The following USP1 variants were observed in gnomAD, a reference collection of about 807,000 sequenced individuals.
The protein encoded by USP1 is ubiquitin specific peptidase 1.
A neutral mutation model predicts 72.2 loss-of-function variants in USP1; 18 were observed. The observed-to-expected ratio is 0.25, with a 90% CI of 0.17 to 0.37. The LOEUF is 0.37. USP1 is among the 10% of genes least tolerant of loss of function. The pLI, the probability that USP1 is intolerant of heterozygous loss-of-function variation, is 1.00. For synonymous variants in USP1, 354 were observed against 303.7 expected, an observed-to-expected ratio of 1.17 and a Z score of -1.72; for missense variants, 759 against 884.9, an observed-to-expected ratio of 0.86 and a Z score of 1.81.
chr1:62,447,235 T>C (rs1334977673), intron 6 of USP1, 106 bp from the exon 7 acceptor site: 2 of 1,112,006 alleles, frequency 1.8e-6, no homozygotes, highest in Non-Finnish European at 2.5e-6. Flanking sequence ...TCTATGAAAA[T>C]GGAACTGTTA....
rs375258678 is a variant in USP1, at chr1:62,445,355, A to G, written c.1175A>G (p.Asn392Ser). 11 of 1,609,766 alleles carry G rather than the reference A, an allele frequency of 6.8e-6. No homozygotes were observed. Among genetic ancestry groups the G allele is most frequent in the African/African-American group, 2.7e-5 (2 of 74,688 alleles). Residue 392 changes from asparagine to serine, a missense_variant, in exon 6 of 9, where the codon AAT (asparagine) becomes AGT (serine). This residue lies in a region of USP1 where 245 missense variants were observed against 240.7 expected (regional missense o/e 1.02). Coordinates refer to ENST00000339950, the MANE Select transcript of USP1 (RefSeq NM_003368.5). ...AAGTGTGAAAGTGATAACACAACTA[A>G]TGGTTGTGGACTTGAATCTCCAGGA... ...LGKCESDNTT[N>S]GCGLESPGNT...
intron 4 of USP1, 85 bp downstream of exon 4, chr1:62,442,384 G>T (rs374057368): frequency 2.9e-5 from 27 of 944,000 alleles, no homozygotes; most frequent in Admixed American, 5.8e-5. Flanking sequence ...AAGAGGACTG[G>T]GGGGGTGGAT....
rs187588389 is a variant in USP1, at chr1:62,444,468, T to A, written c.558-270T>A. Among the ~76,000 whole-genome samples, 414 of 152,216 alleles carry A rather than the reference T, an allele frequency of 2.7e-3. 1 individual carries two copies. Among genetic ancestry groups the A allele is most frequent in the Non-Finnish European group, 4.6e-3 (311 of 68,010 alleles). On this transcript the variant is annotated intron_variant, in intron 5 of 8. Coordinates refer to ENST00000339950, the MANE Select transcript of USP1 (RefSeq NM_003368.5). Reference sequence around the variant, plus strand: ...TATACATAGGAGATAAAAAACATTTTGACTAAAACCTGGTGTATGGTAAGC... The same window carrying A: ...TATACATAGGAGATAAAAAACATTTAGACTAAAACCTGGTGTATGGTAAGC...
At chr1:62,447,799 T>G (rs1459163232) in intron 7 of USP1, among the ~76,000 whole-genome samples, 1 of 152,118 alleles carries the variant, frequency 6.6e-6, no homozygotes. Flanking sequence ...TTTTTTTAAT[T>G]TTTTTGAGAT....
In USP1 at chr1:62,438,156, G is replaced by T. The variant is rs529367390; in HGVS notation, c.-70+756G>T. Among the ~76,000 whole-genome samples the T allele has an allele frequency of 2.6e-4, 39 of 152,112 alleles. No homozygotes were observed. The East Asian group carries it at 6.6e-3, about 26-fold the overall frequency. On this transcript the variant is annotated intron_variant, in intron 1 of 8. Coordinates refer to ENST00000339950, the MANE Select transcript of USP1 (RefSeq NM_003368.5). ...GAGGGGCTAGGAGGTTTGGTTTTTT[G>T]ATTAAGCTGACGATCCGCTATTTCA...
upstream of USP1, chr1:62,436,895 C>T (rs1371727093): frequency 2.6e-6 from 1 of 387,254 alleles, no homozygotes; most frequent in East Asian, 3.7e-5. Flanking sequence ...CTCCGGAGCC[C>T]GTGCGTGCCA....
chr1:62,445,553 A>G (rs1361792255), intron 6 of USP1, 124 bp downstream of exon 6: 1 of 868,644 alleles, frequency 1.2e-6, no homozygotes, highest in Non-Finnish European at 1.7e-6. Flanking sequence ...AAGGAAATTT[A>G]ACACTGAATG....
chr1:62,450,377 G>C lies in USP1; in HGVS notation c.1754G>C (p.Ser585Thr). 6.2e-7 allele frequency: 1 copy of C among 1,614,138 alleles called. No individual in the cohort carries two copies. The highest frequency in any genetic ancestry group is 8.5e-7 in the Non-Finnish European group (1 of 1,180,020). The part of the protein sequence containing the change: ...SYGLFAVVMH[S>T]GITISSGHYT... ...GGATTATTTGCGGTTGTGATGCATA[G>C]TGGCATTACAATTAGTAGTGGGCAT... is the stretch of plus-strand genomic sequence containing the variant. Residue 585 changes from serine (S) to threonine (T), a missense_variant, in exon 9 of 9, where the codon AGT (serine) becomes ACT (threonine). Around this residue, in one of 9 missense-constraint regions of USP1, gnomAD observed 140 missense variants for 222.8 expected, o/e 0.63. Transcript: ENST00000339950.
At chr1:62,438,983 G>A (rs1222573167) in intron 1 of USP1, among the ~76,000 whole-genome samples, 1 of 152,098 alleles carries the variant, frequency 6.6e-6, no homozygotes, top group Non-Finnish European at 1.5e-5. Context: ...TCTATGCCTT[G>A]AATGCAAATT....
intron 3 of USP1, among the ~76,000 whole-genome samples, chr1:62,441,925 TTGTGTTGTGTGTCCGTTGGCGC>T (rs1401086118): frequency 3.3e-5 from 5 of 152,140 alleles, no homozygotes; most frequent in South Asian, 2.1e-4. Flanking sequence ...AACGTTGGCA[TTGTGTTGTGTGTCCGTTGGCGC>T]TGTGTTGTGT....
intron 1 of USP1, among the ~76,000 whole-genome samples, chr1:62,438,631 C>G (rs939751582): frequency 6.6e-6 from 1 of 152,186 alleles, no homozygotes. Flanking sequence ...ATACTCTAGT[C>G]AGATAATTTT....
chr1:62,448,751 T>C, intron 8 of USP1, 85 bp downstream of exon 8: 1 of 1,325,104 alleles, frequency 7.5e-7, no homozygotes, highest in Non-Finnish European at 1.1e-6. Context: ...ATAGTAGGAA[T>C]ATAAAGTACT....
intron 5 of USP1, among the ~76,000 whole-genome samples, 196 bp from the exon 6 acceptor site, chr1:62,444,542 T>A (rs569953787): frequency 1.4e-4 from 21 of 152,310 alleles, no homozygotes; most frequent in African/African-American, 4.6e-4. Flanking sequence ...ATCAAAGTAT[T>A]ATAATGAAAA....
chr1:62,443,351 A>G (rs897579080), intron 5 of USP1, 32 bp downstream of exon 5: 13 of 1,549,586 alleles, frequency 8.4e-6, no homozygotes, highest in African/African-American at 2.8e-5. Flanking sequence ...TAGGGTTTCA[A>G]TTTAGCTACT....
intron 1 of USP1, among the ~76,000 whole-genome samples, chr1:62,439,345 C>G (rs990132136): frequency 1.3e-5 from 2 of 152,066 alleles, no homozygotes; most frequent in Non-Finnish European, 2.9e-5. Context: ...CCAGCACGCC[C>G]GGCTAATTTT....
intron 7 of USP1, 114 bp downstream of exon 7, chr1:62,447,625 G>T: frequency 8.8e-7 from 1 of 1,138,188 alleles, no homozygotes; most frequent in Non-Finnish European, 1.2e-6. Context: ...CTAGCTTTTA[G>T]TGTCTAATGT....
chr1:62,436,759 C>T (rs1417900251), upstream of USP1: 4 of 206,370 alleles, frequency 1.9e-5, no homozygotes, highest in East Asian at 1.0e-4. Context: ...TCGAGCCCGC[C>T]AGCCAGGCCG....
chr1:62,441,634 T>G, intron 3 of USP1, 26 bp downstream of exon 3: 2 of 1,599,950 alleles, frequency 1.3e-6, no homozygotes, highest in Non-Finnish European at 1.7e-6. Flanking sequence ...TGCTATATCA[T>G]AAAGCTTTAG....
In USP1 at chr1:62,444,932, T is replaced by C; in HGVS notation, c.752T>C (p.Met251Thr). 1 of 1,613,688 alleles carries C rather than the reference T, an allele frequency of 6.2e-7. No homozygotes were observed. The highest frequency in any genetic ancestry group is 8.5e-7 in the Non-Finnish European group (1 of 1,179,844). ...ATGAATGGTATTAACAGCATAGAGA[T>C]GGACAGTATGAGGCATTCTGAAGAC... ...EEMNGINSIE[M>T]DSMRHSEDFK... Residue 251 changes from methionine to threonine, a missense_variant, in exon 6 of 9, where the codon ATG becomes ACG. Physicochemically the swap from Met to Thr is moderately conservative, Grantham distance 81. This residue lies in a region of USP1 where 245 missense variants were observed against 240.7 expected (regional missense o/e 1.02). Transcript: ENST00000339950.
Sources: gnomAD v4.1 joint callset for allele counts (sites outside exome capture counted in the v4.1 genomes callset) on GRCh38, gnomAD v4.1.1 for gene constraint, gnomAD v4.1.1 regional missense constraint, MANE v1.5 for transcripts, NCBI Gene and HGNC (gene_info 2026-07-23, HGNC 2026-07-21) for gene names.